AGO3: variants seen among roughly 807,000 people sequenced by gnomAD.
The protein encoded by AGO3 is argonaute RISC catalytic component 3.
AGO3 carries 16 observed loss-of-function variants against 105.5 expected under a neutral mutation model. That is an observed-to-expected ratio of 0.15 (90% CI 0.10 to 0.23). AGO3 has a LOEUF of 0.23. AGO3 is among the 10% of genes least tolerant of loss of function. AGO3 has a pLI of 1.00. For synonymous variants in AGO3, 340 were observed against 367.3 expected, an observed-to-expected ratio of 0.93 and a Z score of 0.85; for missense variants, 534 against 1,088.0, an observed-to-expected ratio of 0.49 and a Z score of 7.16.
At chr1:35,943,257 C>T (rs1408792546) in intron 1 of AGO3, among the ~76,000 whole-genome samples, 1 of 150,628 alleles carries the variant, frequency 6.6e-6, no homozygotes, top group Non-Finnish European at 1.5e-5. Context: ...ATCCTCCCGC[C>T]TTGGCTTCCC....
chr1:36,010,860 T>C (rs1215818945), intron 9 of AGO3, among the ~76,000 whole-genome samples: 4 of 143,784 alleles, frequency 2.8e-5, no homozygotes, highest in Admixed American at 2.1e-4. Context: ...GAGTCGGGAT[T>C]GTGCCATTGC....
rs575333873 is a variant in AGO3, at chr1:36,067,696, C to T, written c.*11951C>T. On this transcript the variant is annotated 3_prime_UTR_variant, in exon 19 of 19. Coordinates refer to ENST00000373191, the MANE Select transcript of AGO3 (RefSeq NM_024852.4). ...ATCAACATAACATGTTTGGTTTTCC[C>T]CTTTAAATAGAAAACACCAAGCAGG... The T allele has an allele frequency of 6.6e-6, 1 of 151,992 alleles. No individual in the cohort carries two copies. The highest frequency in any genetic ancestry group is 2.4e-5 in the African/African-American group (1 of 41,396). The allele number at this position is 151,992 out of a possible 1,614,324, so 9.4% of individuals were successfully genotyped here.
intron 17 of AGO3, among the ~76,000 whole-genome samples, chr1:36,045,303 CCT>C (rs1331463581): frequency 1.3e-5 from 2 of 151,924 alleles, no homozygotes; most frequent in Non-Finnish European, 2.9e-5. Flanking sequence ...CTCACTGCAA[CCT>C]CTGTCTCCCA....
chr1:36,034,789 G>A (rs750549263), intron 13 of AGO3, among the ~76,000 whole-genome samples: 2 of 152,156 alleles, frequency 1.3e-5, no homozygotes, highest in African/African-American at 4.8e-5. Context: ...CACCTACCTG[G>A]AATGTGAAGG....
chr1:36,010,191 G>A (rs1324034523), intron 9 of AGO3, among the ~76,000 whole-genome samples: 3 of 151,606 alleles, frequency 2.0e-5, no homozygotes, highest in East Asian at 1.9e-4. Context: ...CGCCCGCCTC[G>A]GCCTCCCAAA....
At chr1:35,959,806 T>G (rs1020619247) in intron 2 of AGO3, among the ~76,000 whole-genome samples, 1 of 152,142 alleles carries the variant, frequency 6.6e-6, no homozygotes, top group Non-Finnish European at 1.5e-5. Flanking sequence ...AACATTGTAG[T>G]GTATTCATTT....
intron 5 of AGO3, among the ~76,000 whole-genome samples, chr1:35,996,167 T>A (rs1030131301): frequency 1.1e-4 from 16 of 151,486 alleles, no homozygotes; most frequent in South Asian, 2.1e-4. Context: ...AGTAAAAAAA[T>A]TTTTTTAATT....
chr1:36,018,871 A>G (rs1188482172), intron 11 of AGO3, among the ~76,000 whole-genome samples: 1 of 152,008 alleles, frequency 6.6e-6, no homozygotes, highest in African/African-American at 2.4e-5. Context: ...ATAGCAGAGA[A>G]GTCTTGATCC....
intron 1 of AGO3, among the ~76,000 whole-genome samples, chr1:35,935,284 A>G (rs1214434394): frequency 6.6e-6 from 1 of 152,250 alleles, no homozygotes; most frequent in African/African-American, 2.4e-5. Context: ...GGGAAAAGAC[A>G]TATAGATAAC....
At chr1:36,040,033 T>A in intron 15 of AGO3, 49 bp downstream of exon 15, 1 of 1,524,398 alleles carries the variant, frequency 6.6e-7, no homozygotes. Flanking sequence ...AGATATTGTG[T>A]TTATAATATG....
intron 2 of AGO3, among the ~76,000 whole-genome samples, chr1:35,950,951 TTTTTA>T (rs1211104568): frequency 2.6e-5 from 4 of 152,158 alleles, no homozygotes; most frequent in Non-Finnish European, 5.9e-5. Context: ...TGTGGTTGCA[TTTTTA>T]TTTTATTTAT....
chr1:35,991,245 A>G lies in AGO3; in HGVS notation c.659-13096A>G, dbSNP rs899185225. Among the ~76,000 whole-genome samples the G allele has an allele frequency of 2.0e-5, 3 of 152,096 alleles. No homozygotes were observed. In the South Asian group the frequency reaches 6.2e-4, roughly 31 times the overall value. ...AGGAGGCAGAGGTTGCAGTGAGCCA[A>G]GATCGCGCCACTGCACCCAGCTTGG... is the stretch of plus-strand genomic sequence containing the variant. On this transcript the variant is annotated intron_variant, in intron 5 of 18. Coordinates refer to ENST00000373191, the MANE Select transcript of AGO3 (RefSeq NM_024852.4).
rs1291454699 is a variant in AGO3, at chr1:36,027,623, C to CA, written c.1591+331dup. Among the ~76,000 whole-genome samples, 2 of 151,504 alleles carry CA rather than the reference C, an allele frequency of 1.3e-5. No individual in the cohort carries two copies. Among genetic ancestry groups the CA allele is most frequent in the African/African-American group, 4.9e-5 (2 of 41,236 alleles). ...TGAAACCCCATCTCTACTAAAAATA[C>CA]AAAAAATTAGCTGGGCGTGGTGGTG... On this transcript the variant is annotated intron_variant, in intron 12 of 18. Coordinates refer to ENST00000373191, the MANE Select transcript of AGO3 (RefSeq NM_024852.4). This position sits in a 1 kb window ranked among gnomAD's most constrained non-coding sequence, Gnocchi z 4.0.
At chr1:36,013,455 C>A in intron 9 of AGO3, 175 bp from the exon 10 acceptor site, 2 of 773,610 alleles carry the variant, frequency 2.6e-6, no homozygotes, top group Non-Finnish European at 4.0e-6. Flanking sequence ...GCAGTCCATT[C>A]ATGACCCATG....
chr1:35,959,152 C>T (rs1646629618), intron 2 of AGO3, among the ~76,000 whole-genome samples: 2 of 152,044 alleles, frequency 1.3e-5, no homozygotes, highest in Non-Finnish European at 1.5e-5. Flanking sequence ...CATTTTTCTG[C>T]TGTATAAGTC....
rs2148843595 is a variant in AGO3, at chr1:36,034,793, G to A, written c.1751+460G>A. On this transcript the variant is annotated intron_variant, in intron 13 of 18. Transcript: ENST00000373191. ...ATGAGACTACTCACCTACCTGGAAT[G>A]TGAAGGAGAGAAGGAACTGGGAGCC... Among the ~76,000 whole-genome samples the A allele has an allele frequency of 2.0e-5, 3 of 152,314 alleles. No homozygotes were observed. The Middle Eastern group carries it at 0.01, about 518-fold the overall frequency.
chr1:35,993,997 A>G (rs1241739819), intron 5 of AGO3, among the ~76,000 whole-genome samples: 1 of 140,212 alleles, frequency 7.1e-6, no homozygotes, highest in African/African-American at 2.7e-5. Context: ...GCCCACCTCA[A>G]CCTCCCAAAG....
chr1:36,037,291 G>C (rs886720210), intron 14 of AGO3, among the ~76,000 whole-genome samples: 1 of 152,092 alleles, frequency 6.6e-6, no homozygotes, highest in Admixed American at 6.6e-5. Context: ...AGGCTGAGGC[G>C]GGGGTGGATC....
intron 11 of AGO3, among the ~76,000 whole-genome samples, chr1:36,020,741 G>A (rs766687988): frequency 3.3e-4 from 50 of 151,732 alleles, no homozygotes; most frequent in Admixed American, 1.1e-3. Context: ...TCAGATTCCC[G>A]AGTAGCTGGG....
Sources: allele counts gnomAD v4.1 joint callset (sites outside exome capture counted in the v4.1 genomes callset), GRCh38; gene constraint gnomAD v4.1.1; non-coding constraint Gnocchi (gnomAD v3.1); transcripts MANE v1.5; gene names NCBI Gene and HGNC (gene_info 2026-07-23, HGNC 2026-07-21).